STK24: variants seen among roughly 807,000 people sequenced by gnomAD.
STK24 encodes serine/threonine kinase 24.
STK24 carries 21 observed loss-of-function variants against 55.6 expected under a neutral mutation model. That is an observed-to-expected ratio of 0.38 (90% CI 0.27 to 0.54). The LOEUF is 0.54. Ranked by LOEUF, STK24 falls within the 20% of genes least tolerant of loss-of-function variation. The pLI is 0.79. For missense variants in STK24, 383 were observed against 538.4 expected (o/e 0.71, Z 2.86); for synonymous variants, 200 against 215.2 (o/e 0.93, Z 0.62).
At chr13:98,553,509 A>G in intron 1 of STK24, 1 of 175,082 alleles carries the variant, frequency 5.7e-6, no homozygotes, top group East Asian at 1.6e-4. Context: ...CAAGGATTCC[A>G]GGCACCCAAG....
intron 2 of STK24, among the ~76,000 whole-genome samples, chr13:98,509,635 C>T (rs1398154608): frequency 6.6e-6 from 1 of 152,190 alleles, no homozygotes; most frequent in Non-Finnish European, 1.5e-5. Flanking sequence ...TCACCCTTGA[C>T]ACGGTCTCCA....
At chr13:98,544,634 C>T (rs1244651430) in intron 1 of STK24, among the ~76,000 whole-genome samples, 2 of 152,234 alleles carry the variant, frequency 1.3e-5, no homozygotes, top group African/African-American at 4.8e-5. Flanking sequence ...GGCAGGTCCC[C>T]TCCTAAGCCA....
At chr13:98,484,379 C>A (rs567254908) in intron 2 of STK24, among the ~76,000 whole-genome samples, 2 of 152,218 alleles carry the variant, frequency 1.3e-5, no homozygotes, top group African/African-American at 4.8e-5. Context: ...GTTTCACTGG[C>A]TCCCATCCCT....
At chr13:98,491,774 TAATC>T (rs1317501319) in intron 2 of STK24, among the ~76,000 whole-genome samples, 1 of 149,406 alleles carries the variant, frequency 6.7e-6, no homozygotes, top group African/African-American at 2.5e-5. Context: ...CATGCATAAA[TAATC>T]AAAAATATTG....
intron 1 of STK24, among the ~76,000 whole-genome samples, chr13:98,532,110 G>T (rs531551121): frequency 6.6e-6 from 1 of 152,082 alleles, no homozygotes; most frequent in Non-Finnish European, 1.5e-5. Flanking sequence ...ACGCGGCCAA[G>T]GTTGAGGACC....
chr13:98,490,818 G>T (rs1894998075), intron 2 of STK24, among the ~76,000 whole-genome samples: 2 of 149,594 alleles, frequency 1.3e-5, no homozygotes, highest in African/African-American at 5.0e-5. Flanking sequence ...CCATAGGGAA[G>T]GCAGCCTACA....
chr13:98,576,610 G>C, intron 1 of STK24, 135 bp downstream of exon 1: 3 of 659,920 alleles, frequency 4.5e-6, no homozygotes, highest in Non-Finnish European at 6.6e-6. Context: ...ACCCCCGGCC[G>C]AGCCGGGCGC....
intron 1 of STK24, among the ~76,000 whole-genome samples, chr13:98,534,958 C>G (rs1896675091): frequency 6.6e-6 from 1 of 152,238 alleles, no homozygotes; most frequent in African/African-American, 2.4e-5. Context: ...GATAAATCAG[C>G]TGTTTGGGCA....
intron 1 of STK24, among the ~76,000 whole-genome samples, chr13:98,541,208 T>C (rs185575461): frequency 6.6e-6 from 1 of 152,322 alleles, no homozygotes; most frequent in Non-Finnish European, 1.5e-5. Flanking sequence ...CTTTGTAATT[T>C]TGAGTTGGTC....
intron 1 of STK24, among the ~76,000 whole-genome samples, chr13:98,540,302 A>T (rs1405354788): frequency 3.3e-5 from 5 of 152,218 alleles, no homozygotes; most frequent in Non-Finnish European, 7.3e-5. Context: ...ATTCAGTAAA[A>T]TTACTAAAAC....
rs377580639 is a variant in STK24 at position 98,479,638 on chromosome 13, T to G, written c.330+2627A>C. On this transcript the variant is annotated intron_variant, in intron 3 of 10. Coordinates refer to ENST00000539966, the MANE Select transcript of STK24 (RefSeq NM_001032296.4). Reference sequence around the variant, plus strand: ...TGTTGTCTGCCACCCAATTTTTAACTTGGGGCAAAGTCACTTCCCCTCTCT... The same window carrying G: ...TGTTGTCTGCCACCCAATTTTTAACGTGGGGCAAAGTCACTTCCCCTCTCT... Among the ~76,000 whole-genome samples the G allele has an allele frequency of 4.7e-4, 71 of 152,300 alleles. 1 individual carries two copies. Among genetic ancestry groups the G allele is most frequent in the African/African-American group, 1.7e-3 (69 of 41,574 alleles).
chr13:98,567,919 G>T (rs1897627857), intron 1 of STK24, among the ~76,000 whole-genome samples: 1 of 125,332 alleles, frequency 8.0e-6, no homozygotes, highest in Non-Finnish European at 1.7e-5. Context: ...AAGCTGGAAA[G>T]TAGGTAGTGG....
At chr13:98,551,382 C>T (rs1361893899) in intron 1 of STK24, among the ~76,000 whole-genome samples, 3 of 151,926 alleles carry the variant, frequency 2.0e-5, no homozygotes, top group Non-Finnish European at 4.4e-5. Context: ...GGCCACCAAG[C>T]CTTCTTCAAG....
chr13:98,542,244 A>G (rs4772096), intron 1 of STK24, among the ~76,000 whole-genome samples: 76,284 of 152,106 alleles, frequency 0.5, 19,265 homozygotes, highest in East Asian at 0.52. Flanking sequence ...AGCATTGTAA[A>G]TGGGACTTAA....
At chr13:98,566,329 A>G (rs548656469) in intron 1 of STK24, among the ~76,000 whole-genome samples, 72 of 152,360 alleles carry the variant, frequency 4.7e-4, no homozygotes, top group African/African-American at 1.6e-3. Context: ...TGGAGGGACA[A>G]TGTGACGGTC....
At chr13:98,460,936 T>TACTC (rs953315696) in intron 8 of STK24, among the ~76,000 whole-genome samples, 3 of 151,760 alleles carry the variant, frequency 2.0e-5, no homozygotes, top group African/African-American at 7.3e-5. Context: ...CAATCCCAGT[T>TACTC]ACTCAGGAGG....
At chr13:98,507,193 G>T (rs1340988053) in intron 2 of STK24, among the ~76,000 whole-genome samples, 1 of 152,254 alleles carries the variant, frequency 6.6e-6, no homozygotes, top group African/African-American at 2.4e-5. Flanking sequence ...TGTAGAAGGA[G>T]AACACACCAC....
chr13:98,498,857 T>TC (rs1297824565), intron 2 of STK24, among the ~76,000 whole-genome samples: 1 of 152,174 alleles, frequency 6.6e-6, no homozygotes, highest in Non-Finnish European at 1.5e-5. Flanking sequence ...GGCTGAGGCA[T>TC]CCCAGACCGC....
chr13:98,535,189 T>C (rs1896681905), intron 1 of STK24, among the ~76,000 whole-genome samples: 1 of 151,874 alleles, frequency 6.6e-6, no homozygotes, highest in Non-Finnish European at 1.5e-5. Flanking sequence ...AATACAAAAT[T>C]AGCTGGGCGT....
Sources: gnomAD v4.1 joint callset for allele counts (sites outside exome capture counted in the v4.1 genomes callset) on GRCh38, gnomAD v4.1.1 for gene constraint, MANE v1.5 for transcripts, NCBI Gene and HGNC (gene_info 2026-07-23, HGNC 2026-07-21) for gene names.